The following PPP3R1 variants were observed in gnomAD, a reference collection of about 807,000 sequenced individuals.
PPP3R1 encodes protein phosphatase 3 regulatory subunit B, alpha.
A neutral mutation model predicts 22.6 loss-of-function variants in PPP3R1; 5 were observed. The observed-to-expected ratio is 0.22, with a 90% CI of 0.12 to 0.46. The LOEUF is 0.46. Among genes scored for constraint, PPP3R1 ranks in the 20% least tolerant of loss-of-function variants. The probability of loss-of-function intolerance (pLI) is 0.99; values close to 1 mark genes in which losing one functional copy is unlikely to be tolerated. For synonymous variants in PPP3R1, 56 were observed against 65.2 expected, an observed-to-expected ratio of 0.86 and a Z score of 0.68; for missense variants, 61 against 203.2, an observed-to-expected ratio of 0.30 and a Z score of 4.25.
intron 1 of PPP3R1, 48 bp downstream of exon 1, chr2:68,252,077 G>T: frequency 7.2e-7 from 1 of 1,385,490 alleles, no homozygotes; most frequent in East Asian, 3.3e-5. Context: ...CGACCCGGAC[G>T]GCGGCAGTAG....
At position 68,214,404 on chromosome 2, in the gene PPP3R1, C is replaced by T. The variant is rs1572964856; in HGVS notation, c.43+2688G>A. On this transcript the variant is annotated intron_variant, in intron 2 of 5. Transcript: ENST00000234310. The stretch of plus-strand genomic sequence containing the variant: ...TACGCATCTATCAAAGGTCTAACAT[C>T]CAGAATCTCTAAGGAACTTAAACCT... Among the ~76,000 whole-genome samples the T allele has an allele frequency of 2.0e-5, 3 of 152,190 alleles. No individual in the cohort carries two copies. In the East Asian group the frequency reaches 5.8e-4, roughly 29 times the overall value.
chr2:68,214,381 C>T (rs1468075513), intron 2 of PPP3R1, among the ~76,000 whole-genome samples: 2 of 152,024 alleles, frequency 1.3e-5, no homozygotes, highest in African/African-American at 2.4e-5. Context: ...CTGCTAACTA[C>T]GCATCTATCA....
At chr2:68,213,739 T>G (rs114759791) in intron 2 of PPP3R1, among the ~76,000 whole-genome samples, 1,721 of 152,234 alleles carry the variant, frequency 0.011, 25 homozygotes, top group African/African-American at 0.04. Flanking sequence ...TAAAATGAGA[T>G]ACACCTGCAT....
At chr2:68,208,490 T>C (rs1669382593) in intron 2 of PPP3R1, among the ~76,000 whole-genome samples, 1 of 152,220 alleles carries the variant, frequency 6.6e-6, no homozygotes, top group African/African-American at 2.4e-5. Flanking sequence ...TAAAAACTGC[T>C]GGCAAGCAGC....
intron 1 of PPP3R1, chr2:68,251,081 C>G (rs1446101304): frequency 6.6e-6 from 1 of 152,088 alleles, no homozygotes; most frequent in African/African-American, 2.4e-5. Flanking sequence ...CTGATATACG[C>G]GGAATAGCAC....
chr2:68,211,568 A>C (rs2103763143), intron 2 of PPP3R1, among the ~76,000 whole-genome samples: 1 of 152,262 alleles, frequency 6.6e-6, no homozygotes, highest in East Asian at 1.9e-4. Flanking sequence ...GACAGCAATA[A>C]AGTTTTGCCA....
intron 1 of PPP3R1, among the ~76,000 whole-genome samples, chr2:68,249,942 A>T (rs1558646991): frequency 6.6e-6 from 1 of 152,206 alleles, no homozygotes; most frequent in Non-Finnish European, 1.5e-5. Flanking sequence ...TCAGAATTGT[A>T]TGTTCAATTA....
At chr2:68,190,569 AAAAC>A (rs1415053986) in intron 2 of PPP3R1, among the ~76,000 whole-genome samples, 2 of 152,282 alleles carry the variant, frequency 1.3e-5, no homozygotes, top group African/African-American at 2.4e-5. Flanking sequence ...TCCGTCTCAA[AAAAC>A]AAACAAAAAA....
intron 1 of PPP3R1, among the ~76,000 whole-genome samples, chr2:68,240,608 G>A (rs1317374860): frequency 6.6e-6 from 1 of 152,172 alleles, no homozygotes; most frequent in Non-Finnish European, 1.5e-5. Context: ...GGAGTGTATG[G>A]CTCCCCCTTA....
rs1669741995 is a variant in PPP3R1, at chr2:68,224,266, A to C, written c.4-7135T>G. Among the ~76,000 whole-genome samples, 3 of 152,346 alleles carry C rather than the reference A, an allele frequency of 2.0e-5. No individual in the cohort carries two copies. The South Asian group carries it at 6.2e-4, about 32-fold the overall frequency. ...AGCAGAATATTTTATAGAAATCAAT[A>C]AACTAATTCTAAAATTCATATGGAG... On this transcript the variant is annotated intron_variant, in intron 1 of 5. Transcript: ENST00000234310.
At position 68,180,831 on chromosome 2, in the gene PPP3R1, T is replaced by C. The variant is rs1225372988; in HGVS notation, c.*132A>G. On this transcript the variant is annotated 3_prime_UTR_variant, in exon 6 of 6. Transcript: ENST00000234310. The stretch of plus-strand genomic sequence containing the variant: ...CACTTAGTTGGCTTCATGAGGCTCA[T>C]GTTGGAAAATGTGGCTTCACAGAGA... 3.4e-6 allele frequency: 3 copies of C among 870,290 alleles called. No individual in the cohort carries two copies. The highest frequency in any genetic ancestry group is 5.4e-6 in the Non-Finnish European group (3 of 554,128). 53.9% of individuals were successfully genotyped at this position (870,290 alleles called of 1,614,324 possible).
chr2:68,201,279 C>T (rs948134679), intron 2 of PPP3R1, among the ~76,000 whole-genome samples: 2 of 152,112 alleles, frequency 1.3e-5, no homozygotes, highest in Admixed American at 6.6e-5. Context: ...TATATTTCCA[C>T]AAAAGAATGC....
At chr2:68,217,040 A>ACGCAGG in intron 2 of PPP3R1, 52 bp downstream of exon 2, 1 of 1,189,118 alleles carries the variant, frequency 8.4e-7, no homozygotes, top group South Asian at 1.4e-5. Context: ...ACACACACAC[A>ACGCAGG]GAGAGAGATG....
intron 2 of PPP3R1, among the ~76,000 whole-genome samples, chr2:68,193,018 A>C (rs188961336): frequency 7.1e-4 from 108 of 152,296 alleles, no homozygotes; most frequent in African/African-American, 2.6e-3. Context: ...GATTTATCTT[A>C]TAGTTGTATC....
intron 1 of PPP3R1, among the ~76,000 whole-genome samples, chr2:68,228,618 G>T (rs1227694617): frequency 6.6e-6 from 1 of 151,872 alleles, no homozygotes; most frequent in East Asian, 1.9e-4. Context: ...GTTTCAAAGG[G>T]TTTTTCTCTA....
In PPP3R1 at chr2:68,186,492, T is replaced by G; in HGVS notation, c.441A>C (p.Arg147Ser). 1 of 1,613,120 alleles carries G rather than the reference T, an allele frequency of 6.2e-7. No individual in the cohort carries two copies. Among genetic ancestry groups the G allele is most frequent in the South Asian group, 1.1e-5 (1 of 91,026 alleles). Residue 147 changes from arginine to serine, a missense_variant, in exon 5 of 6, where the codon AGA becomes AGC. By Grantham distance (110) the Arg-to-Ser change is moderately radical. Transcript: ENST00000234310. ...CAGCACAGAATTCTTCAAAGGATAT[T>G]CTTCCATCTCCATCCTTATCTGCAT... ...IINADKDGDGRISFEEFCAVV... is the reference protein window; with the variant it reads ...IINADKDGDGSISFEEFCAVV...
At chr2:68,216,297 A>G (rs1669577963) in intron 2 of PPP3R1, among the ~76,000 whole-genome samples, 1 of 152,150 alleles carries the variant, frequency 6.6e-6, no homozygotes, top group Admixed American at 6.5e-5. Context: ...GATATACATT[A>G]AAGACCTTTT....
At chr2:68,188,200 T>C (rs1192726346) in intron 3 of PPP3R1, among the ~76,000 whole-genome samples, 1 of 152,026 alleles carries the variant, frequency 6.6e-6, no homozygotes, top group Non-Finnish European at 1.5e-5. Context: ...TAAAAGGAAT[T>C]GCAGCTTCTA....
chr2:68,238,086 G>T (rs1191729185), intron 1 of PPP3R1, among the ~76,000 whole-genome samples: 3 of 151,972 alleles, frequency 2.0e-5, no homozygotes, highest in Non-Finnish European at 1.5e-5. Context: ...ACACACTGGG[G>T]GTTTTCTAAA....
Sources: allele counts gnomAD v4.1 joint callset (sites outside exome capture counted in the v4.1 genomes callset), GRCh38; gene constraint gnomAD v4.1.1; transcripts MANE v1.5; gene names NCBI Gene and HGNC (gene_info 2026-07-23, HGNC 2026-07-21).